UBQLN1: variants seen among roughly 807,000 people sequenced by gnomAD.
The protein encoded by UBQLN1 is ubiquilin 1.
In UBQLN1, 13 loss-of-function variants were observed where a neutral mutation model predicts 65.4. The ratio of observed to expected loss-of-function variants is 0.20; its 90% CI spans 0.13 to 0.32. The LOEUF (loss-of-function observed/expected upper bound fraction) is 0.32, where lower values mean the gene tolerates loss of function less well. Ranked by LOEUF, UBQLN1 falls within the 10% of genes least tolerant of loss-of-function variation. The pLI is 1.00. For synonymous variants in UBQLN1, 267 were observed against 247.8 expected (o/e 1.08, Z -0.73); for missense variants, 561 against 724.0 (o/e 0.77, Z 2.58).
chr9:83,703,658 C>G (rs1290447608), intron 1 of UBQLN1, among the ~76,000 whole-genome samples: 2 of 152,178 alleles, frequency 1.3e-5, no homozygotes, highest in African/African-American at 4.8e-5. Context: ...AGTTTATATT[C>G]TCACTACCTA....
intron 6 of UBQLN1, among the ~76,000 whole-genome samples, chr9:83,675,454 A>T (rs893427365): frequency 6.8e-6 from 1 of 147,728 alleles, no homozygotes; most frequent in Non-Finnish European, 1.5e-5. Context: ...TGCTTTACAG[A>T]CTTCCTATGC....
At chr9:83,671,662 C>CTTTTTTTA (rs1212186747) in intron 6 of UBQLN1, among the ~76,000 whole-genome samples, 1 of 151,928 alleles carries the variant, frequency 6.6e-6, no homozygotes, top group Non-Finnish European at 1.5e-5. Context: ...GTCATCCAGG[C>CTTTTTTTA]TTTTTTTCTT....
In UBQLN1 at chr9:83,683,125, A is replaced by G; in HGVS notation, c.333-59T>C. 8 of 1,294,566 alleles carry G rather than the reference A, an allele frequency of 6.2e-6. No individual in the cohort carries two copies. In the South Asian group the frequency reaches 8.7e-5, roughly 14 times the overall value. 80.2% of individuals were successfully genotyped at this position (1,294,566 alleles called of 1,614,324 possible). A position where few individuals can be genotyped will look rare whatever the true frequency, so the allele number is the denominator to read the frequency against. ...AGAGCTGATTATTTTTAAAAGAACC[A>G]CCAAAGGCCAGGCACAGTGGCTCAC... On this transcript the variant is annotated intron_variant, in intron 2 of 10. Transcript: ENST00000376395.
At chr9:83,680,744 T>C (rs78121419) in intron 3 of UBQLN1, among the ~76,000 whole-genome samples, 6,200 of 152,228 alleles carry the variant, frequency 0.041, 376 homozygotes, top group African/African-American at 0.14. Context: ...AAGTGTTTCC[T>C]TGAGTTCTAG....
In UBQLN1 at chr9:83,678,714, TTTTG is replaced by T. The variant is rs1831885949; in HGVS notation, c.712-119_712-116del. On this transcript the variant is annotated intron_variant, in intron 4 of 10. Transcript: ENST00000376395. ...AAGTTTATGGGAGGCCACTGTTTTG[TTTTG>T]TTTTTTTAATTTTTTTGAGACGGAG... 1.0e-5 allele frequency: 12 copies of T among 1,175,414 alleles called. No homozygotes were observed. In the Admixed American group the frequency reaches 1.2e-4, roughly 12 times the overall value. 72.8% of individuals were successfully genotyped at this position (1,175,414 alleles called of 1,614,324 possible).
At chr9:83,685,632 A>G (rs1564167919) in intron 2 of UBQLN1, among the ~76,000 whole-genome samples, 1 of 151,852 alleles carries the variant, frequency 6.6e-6, no homozygotes, top group African/African-American at 2.4e-5. Context: ...AAAAAAAAAA[A>G]AGTTCCTTAG....
Position 83,707,566 on chromosome 9 carries a change from T to C in UBQLN1, c.114A>G (p.Lys38=). 1 of 1,609,676 alleles carries C rather than the reference T, an allele frequency of 6.2e-7. No individual in the cohort carries two copies. The highest frequency in any genetic ancestry group is 8.5e-7 in the Non-Finnish European group (1 of 1,178,212). Residue 38 remains lysine (K), a synonymous_variant, in exon 1 of 11, where the codon AAA becomes AAG. Coordinates refer to ENST00000376395, the MANE Select transcript of UBQLN1 (RefSeq NM_013438.5). ...TTTCCTTCGGGGTCTTCACGGTGAC[T>C]TTCATGATTTTGGGCTCCGCGGAGG... ...AAASAEPKIM[K]VTVKTPKEKE...
intron 1 of UBQLN1, among the ~76,000 whole-genome samples, chr9:83,689,523 T>C (rs1832092673): frequency 6.6e-6 from 1 of 152,220 alleles, no homozygotes; most frequent in Non-Finnish European, 1.5e-5. Context: ...TAAGTGCCTT[T>C]ACTAAATTAG....
rs1426827886 is a variant in UBQLN1 at position 83,663,957 on chromosome 9, C to G, written c.1535G>C (p.Ser512Thr). 1 of 1,614,208 alleles carries G rather than the reference C, an allele frequency of 6.2e-7. No homozygotes were observed. Among genetic ancestry groups the G allele is most frequent in the South Asian group, 1.1e-5 (1 of 91,088 alleles). Residue 512 changes from serine (S) to threonine (T), a missense_variant, in exon 10 of 11, where the codon AGT (serine) becomes ACT (threonine). This residue lies in a region of UBQLN1 where 68 missense variants were observed against 62.2 expected (regional missense o/e 1.09). Transcript: ENST00000376395. The part of the protein sequence containing the change: ...GSNATPSENT[S>T]PTAGTTEPGH... ...AGGTTCAGTGGTTCCTGCTGTGGGA[C>G]TTGTGTTTTCACTAGGTGTGGCGTT...
intron 1 of UBQLN1, among the ~76,000 whole-genome samples, chr9:83,700,332 G>C (rs1169994654): frequency 6.6e-6 from 1 of 152,116 alleles, no homozygotes; most frequent in Non-Finnish European, 1.5e-5. Flanking sequence ...AAAGGACTGG[G>C]AGCTACCAGA....
intron 6 of UBQLN1, among the ~76,000 whole-genome samples, chr9:83,670,136 AAGTT>A (rs1831707104): frequency 6.6e-6 from 1 of 152,096 alleles, no homozygotes; most frequent in African/African-American, 2.4e-5. Flanking sequence ...TTTGAAAACT[AAGTT>A]AATTTGCTTG....
chr9:83,700,420 T>C (rs1832291533), intron 1 of UBQLN1, among the ~76,000 whole-genome samples: 1 of 152,236 alleles, frequency 6.6e-6, no homozygotes, highest in Non-Finnish European at 1.5e-5. Flanking sequence ...CATAATGGAC[T>C]AGATTCATCT....
At chr9:83,680,697 TTC>T (rs1157391024) in intron 3 of UBQLN1, among the ~76,000 whole-genome samples, 2 of 152,228 alleles carry the variant, frequency 1.3e-5, no homozygotes, top group East Asian at 3.8e-4. Context: ...ATTTGTCTGT[TTC>T]TGAGTTGTAT....
Position 83,695,711 on chromosome 9 carries a change from TCAAA to T in UBQLN1, c.181-9560_181-9557del, listed in dbSNP as rs1469365519. Among the ~76,000 whole-genome samples the T allele has an allele frequency of 7.9e-5, 12 of 152,294 alleles. No homozygotes were observed. In the South Asian group the frequency reaches 2.3e-3, roughly 29 times the overall value. ...AGACTGTTGCCATATCTACAGGACA[TCAAA>T]CTAACTCATAGTTGTATAAATTTAC... On this transcript the variant is annotated intron_variant, in intron 1 of 10. Transcript: ENST00000376395.
chr9:83,689,480 C>G (rs1832091924), intron 1 of UBQLN1, among the ~76,000 whole-genome samples: 1 of 152,162 alleles, frequency 6.6e-6, no homozygotes, highest in Non-Finnish European at 1.5e-5. Context: ...CACAGATCAC[C>G]AAACCCAACA....
intron 1 of UBQLN1, 45 bp from the exon 2 acceptor site, chr9:83,686,200 C>A (rs1832037664): frequency 7.6e-7 from 1 of 1,321,890 alleles, no homozygotes; most frequent in Non-Finnish European, 1.0e-6. Context: ...GTTTGCACAG[C>A]ACCATACAGT....
intron 9 of UBQLN1, among the ~76,000 whole-genome samples, 181 bp from the exon 10 acceptor site, chr9:83,664,224 A>C (rs1049988352): frequency 6.6e-6 from 1 of 152,172 alleles, no homozygotes; most frequent in Non-Finnish European, 1.5e-5. Flanking sequence ...AGATCAGCTT[A>C]GGCAACATTG....
intron 1 of UBQLN1, among the ~76,000 whole-genome samples, chr9:83,703,723 G>A (rs1449667422): frequency 6.6e-6 from 1 of 152,082 alleles, no homozygotes; most frequent in Non-Finnish European, 1.5e-5. Flanking sequence ...TGAGTGCTCC[G>A]TGAATAATAA....
intron 1 of UBQLN1, among the ~76,000 whole-genome samples, chr9:83,688,905 T>C (rs1043421777): frequency 2.0e-5 from 3 of 151,998 alleles, no homozygotes; most frequent in Non-Finnish European, 4.4e-5. Flanking sequence ...TCCTTTCAAA[T>C]ACCTACCAAA....
Sources: allele counts gnomAD v4.1 joint callset (sites outside exome capture counted in the v4.1 genomes callset), GRCh38; gene constraint gnomAD v4.1.1; regional missense constraint gnomAD v4.1.1; transcripts MANE v1.5; gene names NCBI Gene and HGNC (gene_info 2026-07-23, HGNC 2026-07-21).